The following RPS6KC1 variants were observed in gnomAD, a reference collection of about 807,000 sequenced individuals.
RPS6KC1 encodes the protein inactive ribosomal protein S6 kinase delta-1.
RPS6KC1 carries 54 observed loss-of-function variants against 103.8 expected under a neutral mutation model. The observed-to-expected ratio is 0.52, with a 90% CI of 0.42 to 0.65. RPS6KC1 has a LOEUF of 0.65. RPS6KC1 is among the 30% of genes least tolerant of loss of function. The pLI, the probability that RPS6KC1 is intolerant of heterozygous loss-of-function variation, is 0.00. For synonymous variants in RPS6KC1, 439 were observed against 438.7 expected, an observed-to-expected ratio of 1.00 and a Z score of -0.01; for missense variants, 1,151 against 1,253.8, an observed-to-expected ratio of 0.92 and a Z score of 1.24.
chr1:213,793,249 C>G, the RPS6KC1 span, among the ~76,000 whole-genome samples: 1 of 152,212 alleles, frequency 6.6e-6, no homozygotes, highest in Non-Finnish European at 1.5e-5. Flanking sequence ...CCTTCTCTCT[C>G]CTCCATCCAG....
chr1:213,741,427 C>T, the RPS6KC1 span, among the ~76,000 whole-genome samples: 2 of 152,132 alleles, frequency 1.3e-5, no homozygotes, highest in South Asian at 2.1e-4. Flanking sequence ...AGATTAAAGG[C>T]GCCGCTCCAG....
At chr1:213,527,795 C>T in the RPS6KC1 span, among the ~76,000 whole-genome samples, 1 of 152,076 alleles carries the variant, frequency 6.6e-6, no homozygotes, top group Admixed American at 6.5e-5. Context: ...TTCCCAAAAA[C>T]TTAATTAGTA....
intron 8 of RPS6KC1, among the ~76,000 whole-genome samples, chr1:213,179,404 G>A (rs1197429823): frequency 6.7e-6 from 1 of 150,136 alleles, no homozygotes; most frequent in Admixed American, 6.6e-5. Context: ...AACAGAGCCA[G>A]ACCCTGTCTC....
chr1:213,620,048 A>G, the RPS6KC1 span, among the ~76,000 whole-genome samples: 1 of 152,218 alleles, frequency 6.6e-6, no homozygotes, highest in Non-Finnish European at 1.5e-5. Context: ...ACGTAAGTAG[A>G]AGAACTAACA....
the RPS6KC1 span, among the ~76,000 whole-genome samples, chr1:213,804,781 G>C: frequency 6.6e-6 from 1 of 152,200 alleles, no homozygotes; most frequent in South Asian, 2.1e-4. Flanking sequence ...AATAAATAGA[G>C]ATTGAATGAA....
the RPS6KC1 span, among the ~76,000 whole-genome samples, chr1:213,437,908 A>G: frequency 2.6e-5 from 4 of 151,712 alleles, no homozygotes; most frequent in Non-Finnish European, 1.5e-5. Flanking sequence ...TTTTAGTAAT[A>G]TATTTTATAT....
chr1:213,178,754 G>A (rs1308711155), intron 8 of RPS6KC1, among the ~76,000 whole-genome samples: 1 of 151,536 alleles, frequency 6.6e-6, no homozygotes, highest in Non-Finnish European at 1.5e-5. Flanking sequence ...TCATTCTGTT[G>A]CCCAGGCTGG....
the RPS6KC1 span, among the ~76,000 whole-genome samples, chr1:213,378,726 C>T: frequency 6.6e-6 from 1 of 152,106 alleles, no homozygotes; most frequent in Non-Finnish European, 1.5e-5. Flanking sequence ...TATTTTGTTT[C>T]CTTTAGAGCT....
the RPS6KC1 span, among the ~76,000 whole-genome samples, chr1:213,542,601 T>C: frequency 3.3e-5 from 5 of 152,176 alleles, no homozygotes; most frequent in Admixed American, 6.6e-5. Context: ...ACAGAGATGA[T>C]GAGAGGTAAA....
At chr1:213,128,373 C>G (rs1224619610) in intron 5 of RPS6KC1, among the ~76,000 whole-genome samples, 3 of 152,064 alleles carry the variant, frequency 2.0e-5, no homozygotes, top group African/African-American at 7.2e-5. Flanking sequence ...TTATACATTT[C>G]TAGACTTCTT....
At chr1:213,836,810 T>C in the RPS6KC1 span, among the ~76,000 whole-genome samples, 1 of 152,232 alleles carries the variant, frequency 6.6e-6, no homozygotes, top group Non-Finnish European at 1.5e-5. Flanking sequence ...TAATTGATTT[T>C]ATAGCTCACT....
chr1:213,480,444 C>T, the RPS6KC1 span, among the ~76,000 whole-genome samples: 4 of 152,108 alleles, frequency 2.6e-5, no homozygotes, highest in Admixed American at 6.5e-5. Flanking sequence ...TGTGGTCAAA[C>T]GCTATTGATT....
the RPS6KC1 span, among the ~76,000 whole-genome samples, chr1:213,560,747 C>A: frequency 2.6e-5 from 4 of 152,120 alleles, no homozygotes; most frequent in Admixed American, 2.6e-4. Context: ...TGTAACTCCC[C>A]CCCACCAAAT....
intron 8 of RPS6KC1, among the ~76,000 whole-genome samples, chr1:213,216,751 C>T (rs372642204): frequency 1.3e-5 from 2 of 152,292 alleles, no homozygotes; most frequent in East Asian, 1.9e-4. Context: ...GGAAACTGAA[C>T]AACCTGCTCC....
the RPS6KC1 span, among the ~76,000 whole-genome samples, chr1:213,854,804 G>A: frequency 6.6e-6 from 1 of 152,296 alleles, no homozygotes; most frequent in Non-Finnish European, 1.5e-5. Context: ...TCTGGTTAGA[G>A]TCTTCGCTGA....
chr1:213,266,756 A>C (rs1010937175), intron 14 of RPS6KC1, among the ~76,000 whole-genome samples: 1 of 151,218 alleles, frequency 6.6e-6, no homozygotes, highest in Non-Finnish European at 1.5e-5. Flanking sequence ...TACAAAAATT[A>C]GTCGGTCGTG....
the RPS6KC1 span, among the ~76,000 whole-genome samples, chr1:213,734,730 CAGAG>C: frequency 2.0e-5 from 3 of 152,232 alleles, no homozygotes; most frequent in African/African-American, 7.2e-5. Flanking sequence ...TTTTGAGTGA[CAGAG>C]AGTATCAATA....
the RPS6KC1 span, among the ~76,000 whole-genome samples, chr1:213,290,765 G>A: frequency 2.6e-5 from 4 of 152,138 alleles, no homozygotes; most frequent in Non-Finnish European, 5.9e-5. Flanking sequence ...GGAAAACCAT[G>A]GGGTGCGTGA....
the RPS6KC1 span, among the ~76,000 whole-genome samples, chr1:213,460,809 G>C: frequency 1.3e-5 from 2 of 152,082 alleles, no homozygotes; most frequent in African/African-American, 2.4e-5. Context: ...CTCAGTATTT[G>C]CTTGTCTGTA....
Sources: gnomAD v4.1 joint callset for allele counts (sites outside exome capture counted in the v4.1 genomes callset) on GRCh38, gnomAD v4.1.1 for gene constraint, MANE v1.5 for transcripts, NCBI Gene and HGNC (gene_info 2026-07-23, HGNC 2026-07-21) for gene names.